Variants in LRRTM2 observed in about 807,000 individuals in gnomAD.
LRRTM2 encodes the protein leucine rich repeat transmembrane neuronal 2.
A neutral mutation model predicts 40.7 loss-of-function variants in LRRTM2; 14 were observed. That is an observed-to-expected ratio of 0.34 (90% CI 0.23 to 0.54). The LOEUF is 0.54. LRRTM2 is among the 20% of genes least tolerant of loss of function. LRRTM2 has a pLI of 0.92. For missense variants in LRRTM2, 468 were observed against 624.4 expected (o/e 0.75, Z 2.67); for synonymous variants, 223 against 237.6 (o/e 0.94, Z 0.57).
Position 138,868,993 on chromosome 5 carries a change from C to A in LRRTM2, c.*4017G>T, listed in dbSNP as rs1237427193. On this transcript the variant is annotated 3_prime_UTR_variant, in exon 2 of 2. Coordinates refer to ENST00000274711, the MANE Select transcript of LRRTM2 (RefSeq NM_015564.3). Reference sequence around the variant, plus strand: ...CACTGCTCTTTATGTTACCCTCCCCCCTCCCAAAACACCCTGCATAATAGT... The same window carrying A: ...CACTGCTCTTTATGTTACCCTCCCCACTCCCAAAACACCCTGCATAATAGT... The A allele has an allele frequency of 6.7e-6, 1 of 150,208 alleles. No individual in the cohort carries two copies. Among genetic ancestry groups the A allele is most frequent in the African/African-American group, 2.5e-5 (1 of 40,746 alleles). 9.3% of individuals were successfully genotyped at this position (150,208 alleles called of 1,614,324 possible).
chr5:138,873,982 CA>C lies in LRRTM2; in HGVS notation c.578del (p.Leu193CysfsTer12). ...LEFLDLSTNR[L>X]RSLARNGFAG... ...CAAATCCATTGCGAGCCAAACTTCG[CA>C]AACGATTTGTGCTCAAATCCAGAAA... On this transcript the variant is annotated frameshift_variant, in exon 2 of 2. Coordinates refer to ENST00000274711, the MANE Select transcript of LRRTM2 (RefSeq NM_015564.3). LOFTEE classifies it high-confidence loss of function. This position sits in a 1 kb window ranked among gnomAD's most constrained non-coding sequence, Gnocchi z 6.1. The C allele has an allele frequency of 6.2e-7, 1 of 1,614,018 alleles. No individual in the cohort carries two copies. The highest frequency in any genetic ancestry group is 8.5e-7 in the Non-Finnish European group (1 of 1,179,894).
In LRRTM2 at chr5:138,869,776, A is replaced by G. The variant is rs1765168559; in HGVS notation, c.*3234T>C. 6.6e-6 allele frequency: 1 copy of G among 152,646 alleles called. No homozygotes were observed. The highest frequency in any genetic ancestry group is 1.5e-5 in the Non-Finnish European group (1 of 68,038). The allele number at this position is 152,646 out of a possible 1,614,324, so 9.5% of individuals were successfully genotyped here. A position where few individuals can be genotyped will look rare whatever the true frequency, so the allele number is the denominator to read the frequency against. On this transcript the variant is annotated 3_prime_UTR_variant, in exon 2 of 2. Transcript: ENST00000274711. ...GAAGTTCAGTCAATTCCATTTATTG[A>G]ATTGATACAGAAATTAACTTAGGCA... is the stretch of plus-strand genomic sequence containing the variant.
Position 138,874,809 on chromosome 5 carries a change from T to C in LRRTM2, c.4+99A>G. The C allele has an allele frequency of 8.2e-7, 1 of 1,212,730 alleles. No individual in the cohort carries two copies. 75.1% of individuals were successfully genotyped at this position (1,212,730 alleles called of 1,614,324 possible). A position where few individuals can be genotyped will look rare whatever the true frequency, so the allele number is the denominator to read the frequency against. ...TTTACCTAAACCTCAAAATCCAAAATATGATGGTGATTTCCCTCATAAAAT... is the reference window on the plus strand; with the variant it reads ...TTTACCTAAACCTCAAAATCCAAAACATGATGGTGATTTCCCTCATAAAAT... On this transcript the variant is annotated intron_variant, in intron 1 of 1. Coordinates refer to ENST00000274711, the MANE Select transcript of LRRTM2 (RefSeq NM_015564.3). This position sits in a 1 kb window ranked among gnomAD's most constrained non-coding sequence, Gnocchi z 4.1.
Position 138,872,222 on chromosome 5 carries a change from A to T in LRRTM2, c.*788T>A, listed in dbSNP as rs969812765. The T allele has an allele frequency of 1.3e-5, 2 of 152,636 alleles. No homozygotes were observed. The highest frequency in any genetic ancestry group is 4.8e-5 in the African/African-American group (2 of 41,466). 9.5% of individuals were successfully genotyped at this position (152,636 alleles called of 1,614,324 possible). On this transcript the variant is annotated 3_prime_UTR_variant, in exon 2 of 2. Coordinates refer to ENST00000274711, the MANE Select transcript of LRRTM2 (RefSeq NM_015564.3). ...TACAATGACAGTTTAATGCTAGTTT[A>T]AAACAGTTGTCTAAATGCCACAAAA...
chr5:138,874,945 C>T lies in LRRTM2; in HGVS notation c.-34G>A, dbSNP rs764128098. ...GCACATTGGAGGCTGCATTCAGTCGCGGTTGTTAGACTCAACGCAGTGAGT... is the reference window on the plus strand; with the variant it reads ...GCACATTGGAGGCTGCATTCAGTCGTGGTTGTTAGACTCAACGCAGTGAGT... On this transcript the variant is annotated 5_prime_UTR_variant, in exon 1 of 2. Coordinates refer to ENST00000274711, the MANE Select transcript of LRRTM2 (RefSeq NM_015564.3). The surrounding 1 kb of genome is among the most constrained non-coding windows in gnomAD (Gnocchi z 4.1). The T allele has an allele frequency of 2.9e-5, 47 of 1,612,900 alleles. No homozygotes were observed. Among genetic ancestry groups the T allele is most frequent in the Admixed American group, 2.0e-4 (12 of 59,970 alleles).
In LRRTM2 at chr5:138,874,638, C is replaced by G. The variant is rs1751098938; in HGVS notation, c.5-82G>C. On this transcript the variant is annotated intron_variant, in intron 1 of 1. Transcript: ENST00000274711. This position sits in a 1 kb window ranked among gnomAD's most constrained non-coding sequence, Gnocchi z 4.1. ...TGGGCTATTTAAAAAAAACAACCAC[C>G]ACCAACATTATAGCAAAAGATTTCA... 3.4e-6 allele frequency: 3 copies of G among 879,884 alleles called. No homozygotes were observed. Among genetic ancestry groups the G allele is most frequent in the Non-Finnish European group, 5.1e-6 (3 of 588,324 alleles). 54.5% of individuals were successfully genotyped at this position (879,884 alleles called of 1,614,324 possible). A position where few individuals can be genotyped will look rare whatever the true frequency, so the allele number is the denominator to read the frequency against.
Position 138,873,811 on chromosome 5 carries a change from C to T in LRRTM2, c.750G>A (p.Trp250Ter). ...KISNLTCGME[W>*]TWGTLEKLDL... ...CTAGCTTTTCTAAAGTGCCCCAGGT[C>T]CACTCCATCCCACATGTCAAGTTGC... The change falls in exon 2 of 2, where the codon TGG becomes TGA. Residue 250 changes from tryptophan (W) to a stop codon, truncating the protein, a stop_gained. Coordinates refer to ENST00000274711, the MANE Select transcript of LRRTM2 (RefSeq NM_015564.3). LOFTEE classifies it high-confidence loss of function. This position sits in a 1 kb window ranked among gnomAD's most constrained non-coding sequence, Gnocchi z 6.1. The T allele has an allele frequency of 6.2e-7, 1 of 1,613,962 alleles. No homozygotes were observed. Among genetic ancestry groups the T allele is most frequent in the Non-Finnish European group, 8.5e-7 (1 of 1,179,878 alleles).
At position 138,874,814 on chromosome 5, in the gene LRRTM2, T is replaced by C. The variant is rs28363437; in HGVS notation, c.4+94A>G. Reference sequence around the variant, plus strand: ...CTAAACCTCAAAATCCAAAATATGATGGTGATTTCCCTCATAAAATGTGAA... The same window carrying C: ...CTAAACCTCAAAATCCAAAATATGACGGTGATTTCCCTCATAAAATGTGAA... On this transcript the variant is annotated intron_variant, in intron 1 of 1. Coordinates refer to ENST00000274711, the MANE Select transcript of LRRTM2 (RefSeq NM_015564.3). This position sits in a 1 kb window ranked among gnomAD's most constrained non-coding sequence, Gnocchi z 4.1. 2.4e-3 allele frequency: 3,000 copies of C among 1,224,762 alleles called. 51 individuals carry two copies. In the African/African-American group the frequency reaches 0.041, roughly 17 times the overall value. 75.9% of individuals were successfully genotyped at this position (1,224,762 alleles called of 1,614,324 possible). A position where few individuals can be genotyped will look rare whatever the true frequency, so the allele number is the denominator to read the frequency against.
Position 138,869,959 on chromosome 5 carries a change from A to G in LRRTM2, c.*3051T>C, listed in dbSNP as rs978901149. 1.3e-5 allele frequency: 2 copies of G among 152,656 alleles called. No individual in the cohort carries two copies. The highest frequency in any genetic ancestry group is 4.8e-5 in the African/African-American group (2 of 41,456). The allele number at this position is 152,656 out of a possible 1,614,324, so 9.5% of individuals were successfully genotyped here. A position where few individuals can be genotyped will look rare whatever the true frequency, so the allele number is the denominator to read the frequency against. ...AGGTGATTGAAATCCCTGTCATGCT[A>G]CAGAAATGAATATAAACGATTTCAA... On this transcript the variant is annotated 3_prime_UTR_variant, in exon 2 of 2. Transcript: ENST00000274711.
Position 138,873,407 on chromosome 5 carries a change from ATTC to A in LRRTM2, c.1151_1153del (p.Arg384del). 1.2e-6 allele frequency: 2 copies of A among 1,614,014 alleles called. No individual in the cohort carries two copies. On this transcript the variant is annotated inframe_deletion, in exon 2 of 2. Transcript: ENST00000274711. This position sits in a 1 kb window ranked among gnomAD's most constrained non-coding sequence, Gnocchi z 6.1. ...TCCCACATGGTAACTTGATGAGCTT[ATTC>A]TTTTTGTATATTCAGTGGTTGGATC...
At position 138,873,987 on chromosome 5, in the gene LRRTM2, G is replaced by A. The variant is rs1750978642; in HGVS notation, c.574C>T (p.Arg192Cys). The change falls in exon 2 of 2, where the codon CGT becomes TGT. Residue 192 changes from arginine (R) to cysteine (C), a missense_variant. Physicochemically the swap from Arg to Cys is radical, Grantham distance 180. Transcript: ENST00000274711. This position sits in a 1 kb window ranked among gnomAD's most constrained non-coding sequence, Gnocchi z 6.1. ...CCATTGCGAGCCAAACTTCGCAAAC[G>A]ATTTGTGCTCAAATCCAGAAACTCC... Reference protein sequence around the residue: ...SLEFLDLSTNRLRSLARNGFA... With the variant: ...SLEFLDLSTNCLRSLARNGFA... 4 of 1,613,954 alleles carry A rather than the reference G, an allele frequency of 2.5e-6. No individual in the cohort carries two copies. Among genetic ancestry groups the A allele is most frequent in the Non-Finnish European group, 2.5e-6 (3 of 1,179,880 alleles).
At position 138,874,219 on chromosome 5, in the gene LRRTM2, T is replaced by C. The variant is rs778954851; in HGVS notation, c.342A>G (p.Leu114=). Residue 114 remains leucine (L), a synonymous_variant, in exon 2 of 2, where the codon TTA becomes TTG. Coordinates refer to ENST00000274711, the MANE Select transcript of LRRTM2 (RefSeq NM_015564.3). The surrounding 1 kb of genome is among the most constrained non-coding windows in gnomAD (Gnocchi z 4.1). ...AFQGLYKLKE[L]ILSSNKIFYL... ...AAAATATTTTGTTGGAACTTAAGAT[T>C]AATTCCTTAAGTTTATATAGTCCTT... 6.2e-7 allele frequency: 1 copy of C among 1,613,958 alleles called. No individual in the cohort carries two copies. The highest frequency in any genetic ancestry group is 1.7e-5 in the Admixed American group (1 of 60,026).
chr5:138,874,386 T>TGGC lies in LRRTM2; in HGVS notation c.172_174dup (p.Ala58dup). On this transcript the variant is annotated inframe_insertion, in exon 2 of 2. Transcript: ENST00000274711. The surrounding 1 kb of genome is among the most constrained non-coding windows in gnomAD (Gnocchi z 4.1). ...GACAGGCCCAGAGAGCCCTTGTCTG[T>TGGC]GGCGTTTGGCACTGAGTGGAAGCCC... 1.2e-6 allele frequency: 2 copies of TGGC among 1,614,014 alleles called. No homozygotes were observed. Among genetic ancestry groups the TGGC allele is most frequent in the Non-Finnish European group, 1.7e-6 (2 of 1,179,888 alleles).
chr5:138,869,163 A>AT lies in LRRTM2; in HGVS notation c.*3846dup, dbSNP rs1347712595. 6.8e-6 allele frequency: 1 copy of AT among 146,872 alleles called. No individual in the cohort carries two copies. The highest frequency in any genetic ancestry group is 1.5e-5 in the Non-Finnish European group (1 of 66,128). The allele number at this position is 146,872 out of a possible 1,614,324, so 9.1% of individuals were successfully genotyped here. A position where few individuals can be genotyped will look rare whatever the true frequency, so the allele number is the denominator to read the frequency against. On this transcript the variant is annotated 3_prime_UTR_variant, in exon 2 of 2. Transcript: ENST00000274711. ...TAGGAAGGTTCACCAAACATTCCAT[A>AT]TATCAGACTTAAAAAAAAAAAAAAA... is the stretch of plus-strand genomic sequence containing the variant.
rs1280059106 is a variant in LRRTM2, at chr5:138,871,248, T to C, written c.*1762A>G. On this transcript the variant is annotated 3_prime_UTR_variant, in exon 2 of 2. Transcript: ENST00000274711. ...ATAACTTGAAAAATGGTAGTGGCTTTCTCTAAGGTTTTATGTCTTTTTTCT... is the reference window on the plus strand; with the variant it reads ...ATAACTTGAAAAATGGTAGTGGCTTCCTCTAAGGTTTTATGTCTTTTTTCT... 1.3e-5 allele frequency: 2 copies of C among 152,212 alleles called. No homozygotes were observed. Among genetic ancestry groups the C allele is most frequent in the Non-Finnish European group, 2.9e-5 (2 of 68,038 alleles). 9.4% of individuals were successfully genotyped at this position (152,212 alleles called of 1,614,324 possible).
At position 138,874,846 on chromosome 5, in the gene LRRTM2, A is replaced by C; in HGVS notation, c.4+62T>G. On this transcript the variant is annotated intron_variant, in intron 1 of 1. Transcript: ENST00000274711. The surrounding 1 kb of genome is among the most constrained non-coding windows in gnomAD (Gnocchi z 4.1). ...TTCCCTCATAAAATGTGAATTCGGTAGCTTATTTTAAAAGCGTGATTCCTT... is the reference window on the plus strand; with the variant it reads ...TTCCCTCATAAAATGTGAATTCGGTCGCTTATTTTAAAAGCGTGATTCCTT... 6.8e-7 allele frequency: 1 copy of C among 1,477,554 alleles called. No individual in the cohort carries two copies. The highest frequency in any genetic ancestry group is 9.4e-7 in the Non-Finnish European group (1 of 1,067,462). 91.5% of individuals were successfully genotyped at this position (1,477,554 alleles called of 1,614,324 possible). A position where few individuals can be genotyped will look rare whatever the true frequency, so the allele number is the denominator to read the frequency against.
Position 138,875,283 on chromosome 5 carries a change from G to C in LRRTM2, c.-372C>G, listed in dbSNP as rs28363440. 1.0e-3 allele frequency: 523 copies of C among 518,226 alleles called. No homozygotes were observed. The African/African-American group carries it at 0.01, about 10-fold the overall frequency. 32.1% of individuals were successfully genotyped at this position (518,226 alleles called of 1,614,324 possible). ...GGCTTGTTGCAGAGAAGAGCTCCTG[G>C]AGCAGCATGAGTGCATTTACTGAAA... On this transcript the variant is annotated 5_prime_UTR_variant, in exon 1 of 2. Coordinates refer to ENST00000274711, the MANE Select transcript of LRRTM2 (RefSeq NM_015564.3).
At position 138,873,235 on chromosome 5, in the gene LRRTM2, G is replaced by A; in HGVS notation, c.1326C>T (p.Phe442=). 2 of 1,613,676 alleles carry A rather than the reference G, an allele frequency of 1.2e-6. No homozygotes were observed. The highest frequency in any genetic ancestry group is 1.7e-6 in the Non-Finnish European group (2 of 1,179,714). ...FSFFFIIFIV[F]ISRKCCPPTL... ...TGGGAGGGCAGCACTTCCTGGAGAT[G>A]AACACTATAAAAATAATAAAAAAGA... The change falls in exon 2 of 2, where the codon TTC becomes TTT. Residue 442 remains phenylalanine, a synonymous_variant. Coordinates refer to ENST00000274711, the MANE Select transcript of LRRTM2 (RefSeq NM_015564.3). The surrounding 1 kb of genome is among the most constrained non-coding windows in gnomAD (Gnocchi z 6.1).
chr5:138,873,147 G>A lies in LRRTM2; in HGVS notation c.1414C>T (p.Arg472Ter). The change falls in exon 2 of 2, where the codon CGA becomes TGA. Residue 472 changes from arginine to a stop codon, truncating the protein, a stop_gained. Transcript: ENST00000274711. LOFTEE classifies it high-confidence loss of function. The surrounding 1 kb of genome is among the most constrained non-coding windows in gnomAD (Gnocchi z 6.1). The part of the protein sequence containing the change: ...QNHRQLRSQT[R>*]LHMSNMSDQG... ...TCTGACATGTTTGACATATGGAGTC[G>A]TGTTTGGGATCGGAGCTGCCTGTGG... The A allele has an allele frequency of 2.5e-6, 4 of 1,613,992 alleles. No individual in the cohort carries two copies. Among genetic ancestry groups the A allele is most frequent in the African/African-American group, 1.3e-5 (1 of 75,042 alleles).
Sources: gnomAD v4.1 joint callset for allele counts on GRCh38, gnomAD v4.1.1 for gene constraint, Gnocchi (gnomAD v3.1) non-coding constraint, MANE v1.5 for transcripts, NCBI Gene and HGNC (gene_info 2026-07-23, HGNC 2026-07-21) for gene names.